Variants in DPH6 observed in about 807,000 individuals in gnomAD.
DPH6 encodes the protein diphthamine biosynthesis 6, also known as diphthine--ammonia ligase.
A neutral mutation model predicts 38.2 loss-of-function variants in DPH6; 33 were observed. The ratio of observed to expected loss-of-function variants is 0.86; its 90% CI spans 0.65 to 1.15. DPH6 has a LOEUF of 1.15. Ranked by LOEUF, DPH6 falls within the 50% of genes most tolerant of loss-of-function variation. The probability of loss-of-function intolerance (pLI) is 0.00; values close to 1 mark genes in which losing one functional copy is unlikely to be tolerated. For synonymous variants in DPH6, 108 were observed against 103.0 expected (o/e 1.05, Z -0.30); for missense variants, 325 against 320.0 (o/e 1.02, Z -0.12).
intron 3 of DPH6, among the ~76,000 whole-genome samples, chr15:35,523,568 T>C (rs1161203940): frequency 6.6e-6 from 1 of 152,102 alleles, no homozygotes; most frequent in Non-Finnish European, 1.5e-5. Context: ...AATATATCTC[T>C]GAAGCTACCT....
chr15:35,170,049 T>G, the DPH6 span, among the ~76,000 whole-genome samples: 15 of 152,334 alleles, frequency 9.8e-5, no homozygotes, highest in Admixed American at 8.5e-4. Context: ...CTGAGGGGCT[T>G]TGCATGCAAT....
chr15:35,340,449 G>A (rs1022058768), intron 3 of DPH6, among the ~76,000 whole-genome samples: 2 of 152,156 alleles, frequency 1.3e-5, no homozygotes, highest in African/African-American at 4.8e-5. Flanking sequence ...TTGCAGGCTT[G>A]TTTATGTGGT....
intron 3 of DPH6, among the ~76,000 whole-genome samples, chr15:35,315,894 T>C (rs1428119416): frequency 3.3e-5 from 5 of 152,098 alleles, no homozygotes; most frequent in Admixed American, 6.6e-5. Context: ...TGCAGCAACA[T>C]GGATGGAACT....
intron 3 of DPH6, among the ~76,000 whole-genome samples, chr15:35,231,614 A>T (rs1200489504): frequency 6.6e-6 from 1 of 152,248 alleles, no homozygotes; most frequent in Non-Finnish European, 1.5e-5. Flanking sequence ...CTGTAATCAC[A>T]GCACTTGTAT....
At chr15:35,539,810 T>C (rs1457065303) in intron 2 of DPH6, among the ~76,000 whole-genome samples, 2 of 151,978 alleles carry the variant, frequency 1.3e-5, no homozygotes, top group Admixed American at 1.3e-4. Flanking sequence ...CCTTCAACAA[T>C]CAAAATCATC....
intron 5 of DPH6, among the ~76,000 whole-genome samples, chr15:35,426,173 A>C (rs1595553201): frequency 1.3e-5 from 2 of 151,534 alleles, no homozygotes; most frequent in African/African-American, 4.8e-5. Flanking sequence ...GGGAGTTTTG[A>C]AAGTTTCAAC....
intron 3 of DPH6, among the ~76,000 whole-genome samples, chr15:35,496,567 A>AATATAT (rs1165939476): frequency 0.023 from 711 of 30,994 alleles, 92 homozygotes; most frequent in Admixed American, 0.031. Context: ...AAAAAAAAAA[A>AATATAT]ATATATATAT....
chr15:35,415,396 T>C (rs898375117), intron 5 of DPH6, among the ~76,000 whole-genome samples: 3 of 152,024 alleles, frequency 2.0e-5, no homozygotes, highest in Non-Finnish European at 2.9e-5. Flanking sequence ...TATATGCCTA[T>C]AAGGCATGAA....
At chr15:35,428,121 G>A (rs2053591819) in intron 5 of DPH6, among the ~76,000 whole-genome samples, 1 of 151,964 alleles carries the variant, frequency 6.6e-6, no homozygotes, top group Non-Finnish European at 1.5e-5. Flanking sequence ...TCATCACTGT[G>A]TCTGTGTAAG....
At chr15:35,231,970 C>T (rs2051521199) in intron 3 of DPH6, among the ~76,000 whole-genome samples, 1 of 152,180 alleles carries the variant, frequency 6.6e-6, no homozygotes, top group Non-Finnish European at 1.5e-5. Context: ...ATACTCTCCA[C>T]TAAGCTGTAC....
chr15:35,500,310 T>G (rs553407506), intron 3 of DPH6, among the ~76,000 whole-genome samples: 1 of 152,146 alleles, frequency 6.6e-6, no homozygotes, highest in African/African-American at 2.4e-5. Context: ...ATACAGTCAA[T>G]GAATGGGTTG....
chr15:35,152,850 T>C, the DPH6 span, among the ~76,000 whole-genome samples: 3 of 151,824 alleles, frequency 2.0e-5, no homozygotes, highest in South Asian at 6.2e-4. Context: ...ATAACGGGCT[T>C]TGTTGTACTT....
intron 3 of DPH6, chr15:35,489,354 C>G: frequency 1.0e-6 from 1 of 985,344 alleles, no homozygotes; most frequent in Non-Finnish European, 1.2e-6. Context: ...GCTCCAATCC[C>G]TGGTCCCAGT....
chr15:35,450,405 C>A (rs184388973), intron 5 of DPH6, among the ~76,000 whole-genome samples: 3 of 143,362 alleles, frequency 2.1e-5, no homozygotes, highest in Admixed American at 7.0e-5. Flanking sequence ...AAAAAAAGAA[C>A]TTAAAATGAA....
At chr15:35,305,422 A>G (rs1566864622) in intron 3 of DPH6, among the ~76,000 whole-genome samples, 1 of 151,926 alleles carries the variant, frequency 6.6e-6, no homozygotes, top group Non-Finnish European at 1.5e-5. Flanking sequence ...CAAATCTCGT[A>G]TGTTTTTAGT....
chr15:35,317,316 G>A (rs1166264177), intron 3 of DPH6, among the ~76,000 whole-genome samples: 5 of 126,274 alleles, frequency 4.0e-5, no homozygotes, highest in South Asian at 2.4e-4. Context: ...AGAGAAAGAA[G>A]GAAGGAAAAA....
chr15:35,323,783 TATTTGCTAAG>T (rs2052260040), intron 3 of DPH6, among the ~76,000 whole-genome samples: 1 of 152,222 alleles, frequency 6.6e-6, no homozygotes, highest in Non-Finnish European at 1.5e-5. Context: ...ATCCAATACA[TATTTGCTAAG>T]CATCAGTACT....
At chr15:35,374,683 C>G (rs2052757764) in intron 7 of DPH6, among the ~76,000 whole-genome samples, 1 of 152,010 alleles carries the variant, frequency 6.6e-6, no homozygotes, top group Non-Finnish European at 1.5e-5. Flanking sequence ...AAAAAGGCTT[C>G]CATGACATTA....
downstream of DPH6, among the ~76,000 whole-genome samples, chr15:35,328,284 A>C (rs572732690): frequency 1.3e-5 from 2 of 152,058 alleles, no homozygotes; most frequent in Non-Finnish European, 2.9e-5. Context: ...TCTTTCTGCC[A>C]TCTTAACCTG....
Sources: allele counts gnomAD v4.1 joint callset (sites outside exome capture counted in the v4.1 genomes callset), GRCh38; gene constraint gnomAD v4.1.1; transcripts MANE v1.5; gene names NCBI Gene and HGNC (gene_info 2026-07-23, HGNC 2026-07-21).